DNAI2: variants seen among roughly 807,000 people sequenced by gnomAD.
DNAI2 encodes the protein dynein axonemal intermediate chain 2.
Under a neutral mutation model 74.7 loss-of-function variants are expected in DNAI2, and 63 were observed. The ratio of observed to expected loss-of-function variants is 0.84; its 90% CI spans 0.69 to 1.04. DNAI2 has a LOEUF of 1.04. Among genes scored for constraint, DNAI2 ranks in the 50% least tolerant of loss-of-function variants. The pLI is 0.00. For missense variants in DNAI2, 688 were observed against 803.2 expected, an observed-to-expected ratio of 0.86 and a Z score of 1.73; for synonymous variants, 289 against 314.9, an observed-to-expected ratio of 0.92 and a Z score of 0.87.
At chr17:74,304,226 G>C (rs1345051027) in intron 8 of DNAI2, among the ~76,000 whole-genome samples, 1 of 95,774 alleles carries the variant, frequency 1.0e-5, no homozygotes, top group Non-Finnish European at 1.9e-5. Context: ...GTAGGGCCTT[G>C]CTCTGTAGGC....
chr17:74,281,987 T>A lies in DNAI2; in HGVS notation c.170T>A (p.Met57Lys). 1 of 1,614,064 alleles carries A rather than the reference T, an allele frequency of 6.2e-7. No individual in the cohort carries two copies. Among genetic ancestry groups the A allele is most frequent in the Non-Finnish European group, 8.5e-7 (1 of 1,180,010 alleles). ...VDTGIQCSIS[M>K]SEHEANSERF... ...ACGGGCATCCAGTGCTCGATCAGCATGTCGGAACACGAGGTGGGTCCCTGC... is the reference window on the plus strand; with the variant it reads ...ACGGGCATCCAGTGCTCGATCAGCAAGTCGGAACACGAGGTGGGTCCCTGC... The change falls in exon 2 of 14, where the codon ATG (methionine) becomes AAG (lysine). Residue 57 changes from methionine to lysine, a missense_variant. By Grantham distance (95) the Met-to-Lys change is moderately conservative (BLOSUM62 -1). Coordinates refer to ENST00000311014, the MANE Select transcript of DNAI2 (RefSeq NM_023036.6).
rs2053094218 is a variant in DNAI2 at position 74,304,967 on chromosome 17, C to G, written c.988-252C>G. ...AGAGGGGGCTAGTGACCTGACAACCCTCCAGGACTGGAGGAGCCAGGGAGG... is the reference window on the plus strand; with the variant it reads ...AGAGGGGGCTAGTGACCTGACAACCGTCCAGGACTGGAGGAGCCAGGGAGG... On this transcript the variant is annotated intron_variant, in intron 8 of 13. Coordinates refer to ENST00000311014, the MANE Select transcript of DNAI2 (RefSeq NM_023036.6). 3.3e-5 allele frequency among the ~76,000 whole-genome samples: 5 copies of G among 152,306 alleles called. No homozygotes were observed. In the South Asian group the frequency reaches 1.0e-3, roughly 32 times the overall value.
chr17:74,303,100 T>C (rs529870396), intron 8 of DNAI2, among the ~76,000 whole-genome samples: 6 of 152,218 alleles, frequency 3.9e-5, no homozygotes, highest in Non-Finnish European at 8.8e-5. Flanking sequence ...GGCTGCCTGA[T>C]TTAATAAGCT....
At chr17:74,289,759 T>C (rs1243356412) in intron 5 of DNAI2, 23 bp downstream of exon 5, 5 of 1,613,128 alleles carry the variant, frequency 3.1e-6, no homozygotes, top group Middle Eastern at 1.6e-4. Flanking sequence ...GGGGTCCTGG[T>C]GGCCTGGGAG....
chr17:74,293,145 T>G (rs2143970649), intron 6 of DNAI2, among the ~76,000 whole-genome samples: 1 of 152,004 alleles, frequency 6.6e-6, no homozygotes. Flanking sequence ...TCCAGTGGAG[T>G]TTTCTATAGT....
At chr17:74,307,599 T>A (rs2053258500) in intron 9 of DNAI2, among the ~76,000 whole-genome samples, 1 of 151,566 alleles carries the variant, frequency 6.6e-6, no homozygotes, top group East Asian at 1.9e-4. Context: ...AGATCAGGAG[T>A]TCAAGACCAG....
At chr17:74,277,668 G>A (rs1210663787) in intron 1 of DNAI2, among the ~76,000 whole-genome samples, 1 of 152,250 alleles carries the variant, frequency 6.6e-6, no homozygotes, top group East Asian at 1.9e-4. Flanking sequence ...CTGGTCTGGT[G>A]CCTTGTAGCC....
At chr17:74,277,803 C>G (rs1170312532) in intron 1 of DNAI2, among the ~76,000 whole-genome samples, 1 of 152,212 alleles carries the variant, frequency 6.6e-6, no homozygotes, top group African/African-American at 2.4e-5. Flanking sequence ...AGGAGAGAGG[C>G]CTGGGAGTCT....
intron 12 of DNAI2, among the ~76,000 whole-genome samples, chr17:74,312,961 G>A (rs1239256069): frequency 2.0e-5 from 3 of 152,236 alleles, no homozygotes; most frequent in Admixed American, 6.5e-5. Context: ...GAAACAGCGG[G>A]TATATGCCAG....
At position 74,290,996 on chromosome 17, in the gene DNAI2, G is replaced by T. The variant is rs1269819578; in HGVS notation, c.611-24G>T. On this transcript the variant is annotated intron_variant, in intron 5 of 13. Transcript: ENST00000311014. ...GTCCTTTTCTTTCCGGGCCTGGTGG[G>T]GATAATTTTTTTGTGCTTTATAGAA... 4 of 1,601,242 alleles carry T rather than the reference G, an allele frequency of 2.5e-6. No homozygotes were observed. The East Asian group carries it at 6.7e-5, about 27-fold the overall frequency.
At chr17:74,278,480 G>A (rs1336301174) in intron 1 of DNAI2, among the ~76,000 whole-genome samples, 1 of 152,146 alleles carries the variant, frequency 6.6e-6, no homozygotes, top group Non-Finnish European at 1.5e-5. Context: ...GAGTGGTGCT[G>A]GGCATGCAGG....
intron 11 of DNAI2, among the ~76,000 whole-genome samples, chr17:74,310,901 G>T (rs2053487876): frequency 6.6e-6 from 1 of 151,868 alleles, no homozygotes; most frequent in African/African-American, 2.4e-5. Context: ...TTGAGACAGG[G>T]TCTTGCTTTG....
rs779055691 is a variant in DNAI2, at chr17:74,310,205, C to T, written c.1494+42C>T. ...TGGGGAAAATCCCTCCAGCACGTCC[C>T]GACCTGGCCCCACAGCAGAGCAGGC... On this transcript the variant is annotated intron_variant, in intron 11 of 13. Transcript: ENST00000311014. 2.0e-5 allele frequency: 32 copies of T among 1,604,658 alleles called. No individual in the cohort carries two copies. In the Admixed American group the frequency reaches 2.2e-4, roughly 11 times the overall value.
chr17:74,303,062 G>C (rs1423344722), intron 8 of DNAI2, among the ~76,000 whole-genome samples: 3 of 152,220 alleles, frequency 2.0e-5, no homozygotes, highest in Non-Finnish European at 4.4e-5. Flanking sequence ...GGCCCTTGCA[G>C]GGTGCACACT....
At position 74,293,436 on chromosome 17, in the gene DNAI2, C is replaced by G. The variant is rs79668554; in HGVS notation, c.724+2303C>G. On this transcript the variant is annotated intron_variant, in intron 6 of 13. Transcript: ENST00000311014. Reference sequence around the variant, plus strand: ...ATTTGTCTCTAGTAGCATTTTTCATCTCAAAGTCTGTCTTTGAGATAAGCA... The same window carrying G: ...ATTTGTCTCTAGTAGCATTTTTCATGTCAAAGTCTGTCTTTGAGATAAGCA... Among the ~76,000 whole-genome samples the G allele has an allele frequency of 2.0e-5, 3 of 152,208 alleles. No homozygotes were observed. The East Asian group carries it at 5.8e-4, about 30-fold the overall frequency.
chr17:74,290,984 C>T (rs762351802), intron 5 of DNAI2, 36 bp from the exon 6 acceptor site: 12 of 1,581,726 alleles, frequency 7.6e-6, no homozygotes, highest in African/African-American at 2.7e-5. Context: ...CTTTTCTTTC[C>T]GGGCCTGGTG....
intron 12 of DNAI2, among the ~76,000 whole-genome samples, chr17:74,312,508 G>A (rs932716135): frequency 5.3e-5 from 8 of 152,120 alleles, no homozygotes; most frequent in Admixed American, 3.3e-4. Flanking sequence ...GTGAAAATGC[G>A]TGTTGAGTGA....
chr17:74,274,932 A>G (rs902357531), intron 1 of DNAI2, among the ~76,000 whole-genome samples: 1 of 152,146 alleles, frequency 6.6e-6, no homozygotes, highest in African/African-American at 2.4e-5. Flanking sequence ...GTCAAGGTTT[A>G]CCACATTCTC....
intron 4 of DNAI2, among the ~76,000 whole-genome samples, chr17:74,288,279 C>T (rs2051871750): frequency 6.6e-6 from 1 of 152,172 alleles, no homozygotes; most frequent in South Asian, 2.1e-4. Flanking sequence ...CAACTATAGG[C>T]TAATATAAGT....
Sources: gnomAD v4.1 joint callset for allele counts (sites outside exome capture counted in the v4.1 genomes callset) on GRCh38, gnomAD v4.1.1 for gene constraint, MANE v1.5 for transcripts, NCBI Gene and HGNC (gene_info 2026-07-23, HGNC 2026-07-21) for gene names.